VPS26C: variants seen among roughly 807,000 people sequenced by gnomAD.
VPS26C encodes VPS26 endosomal protein sorting factor C.
A neutral mutation model predicts 30.6 loss-of-function variants in VPS26C; 19 were observed. The observed-to-expected ratio is 0.62, with a 90% CI of 0.43 to 0.91. The LOEUF (loss-of-function observed/expected upper bound fraction) is 0.91, where lower values mean the gene tolerates loss of function less well. Ranked by LOEUF, VPS26C falls within the 40% of genes least tolerant of loss-of-function variation. The pLI, the probability that VPS26C is intolerant of heterozygous loss-of-function variation, is 0.00. For synonymous variants in VPS26C, 132 were observed against 151.5 expected, an observed-to-expected ratio of 0.87 and a Z score of 0.95; for missense variants, 318 against 385.1, an observed-to-expected ratio of 0.83 and a Z score of 1.46.
intron 2 of VPS26C, among the ~76,000 whole-genome samples, chr21:37,240,283 C>T (rs1045579772): frequency 9.2e-5 from 14 of 152,028 alleles, no homozygotes; most frequent in Admixed American, 2.6e-4. Context: ...CCACCACACC[C>T]GGCTAATTTT....
At position 37,256,513 on chromosome 21, in the gene VPS26C, C is replaced by T. The variant is rs1421600975; in HGVS notation, c.57+10725G>A. 7.2e-5 allele frequency among the ~76,000 whole-genome samples: 11 copies of T among 152,150 alleles called. No individual in the cohort carries two copies. The East Asian group carries it at 1.4e-3, about 19-fold the overall frequency. ...TTTTTTGGAAAATCTTTATGCTAAA[C>T]GATGTTCATTTTATTGACTTATTTA... On this transcript the variant is annotated intron_variant, in intron 1 of 7. Coordinates refer to ENST00000309117, the MANE Select transcript of VPS26C (RefSeq NM_006052.2).
chr21:37,225,356 G>C lies in VPS26C; in HGVS notation c.*188C>G, dbSNP rs970277702. The C allele has an allele frequency of 3.3e-6, 2 of 604,190 alleles. No homozygotes were observed. The highest frequency in any genetic ancestry group is 5.9e-6 in the Non-Finnish European group (2 of 336,608). The allele number at this position is 604,190 out of a possible 1,614,324, so 37.4% of individuals were successfully genotyped here. Reference sequence around the variant, plus strand: ...ATTTCAAAGAAAAGGTCTGATTAGAGGTGCCTGTTGGAAGCAGAAGCCTCA... The same window carrying C: ...ATTTCAAAGAAAAGGTCTGATTAGACGTGCCTGTTGGAAGCAGAAGCCTCA... On this transcript the variant is annotated 3_prime_UTR_variant, in exon 8 of 8. Transcript: ENST00000309117.
At chr21:37,244,872 G>A (rs1249862097) in intron 1 of VPS26C, among the ~76,000 whole-genome samples, 1 of 152,162 alleles carries the variant, frequency 6.6e-6, no homozygotes, top group Non-Finnish European at 1.5e-5. Context: ...GTACACCTGG[G>A]AACAGCTGAG....
intron 1 of VPS26C, among the ~76,000 whole-genome samples, chr21:37,241,055 C>T (rs1307835364): frequency 6.6e-6 from 1 of 152,204 alleles, no homozygotes; most frequent in African/African-American, 2.4e-5. Context: ...AAACTCTGTT[C>T]GTTAGGCTCT....
chr21:37,245,558 C>T (rs1437969220), intron 1 of VPS26C, among the ~76,000 whole-genome samples: 7 of 152,300 alleles, frequency 4.6e-5, no homozygotes, highest in South Asian at 2.1e-4. Context: ...TGACTGACTG[C>T]GCTCTGTGAC....
rs2086052312 is a variant in VPS26C at position 37,238,788 on chromosome 21, C to CT, written c.202-180dup. Among the ~76,000 whole-genome samples, 4 of 152,216 alleles carry CT rather than the reference C, an allele frequency of 2.6e-5. No individual in the cohort carries two copies. In the South Asian group the frequency reaches 8.3e-4, roughly 32 times the overall value. ...TGACTTGGCTCTGCTTTTTAAGACT[C>CT]TGGCACAATAATGATTCATTTACAA... On this transcript the variant is annotated intron_variant, in intron 2 of 7. Transcript: ENST00000309117.
At chr21:37,267,509 C>G, upstream of VPS26C, 2 of 584,350 alleles carry the variant, frequency 3.4e-6, no homozygotes, top group Non-Finnish European at 6.1e-6. Context: ...TAGTGCGGGC[C>G]GAAGCGCTGT....
At chr21:37,244,986 C>T (rs1469769070) in intron 1 of VPS26C, among the ~76,000 whole-genome samples, 1 of 152,228 alleles carries the variant, frequency 6.6e-6, no homozygotes, top group Non-Finnish European at 1.5e-5. Context: ...AAACGCCCTG[C>T]AGCTGGTTAC....
intron 1 of VPS26C, among the ~76,000 whole-genome samples, chr21:37,260,533 T>TA (rs541171501): frequency 2.8e-4 from 42 of 152,120 alleles, no homozygotes; most frequent in Non-Finnish European, 5.7e-4. Context: ...ATAAAATACT[T>TA]AAAAAAAGAA....
intron 5 of VPS26C, among the ~76,000 whole-genome samples, chr21:37,230,277 C>T (rs2148283521): frequency 6.6e-6 from 1 of 152,330 alleles, no homozygotes; most frequent in South Asian, 2.1e-4. Context: ...GGATAGCTTT[C>T]AACATTCAGC....
chr21:37,267,053 G>C (rs934650655), intron 1 of VPS26C, 185 bp downstream of exon 1: 1 of 654,260 alleles, frequency 1.5e-6, no homozygotes, highest in Non-Finnish European at 2.8e-6. Flanking sequence ...AGGGCAGCCA[G>C]CCTCGCGCGG....
intron 1 of VPS26C, among the ~76,000 whole-genome samples, chr21:37,247,949 T>C (rs1016904247): frequency 6.6e-5 from 10 of 152,086 alleles, no homozygotes; most frequent in Non-Finnish European, 1.0e-4. Flanking sequence ...GGCAGGAGGA[T>C]TGTTTGAGCC....
At chr21:37,235,875 A>ATT (rs1204522798) in intron 3 of VPS26C, among the ~76,000 whole-genome samples, 13 of 15,072 alleles carry the variant, frequency 8.6e-4, no homozygotes, top group African/African-American at 2.6e-3. Flanking sequence ...ATATATATAT[A>ATT]TATATTTTTT....
At chr21:37,235,276 G>T (rs535949011) in intron 3 of VPS26C, among the ~76,000 whole-genome samples, 1 of 152,298 alleles carries the variant, frequency 6.6e-6, no homozygotes, top group South Asian at 2.1e-4. Context: ...GGGATTACAG[G>T]TGTGAGCCAC....
intron 1 of VPS26C, among the ~76,000 whole-genome samples, chr21:37,252,313 T>C (rs984730890): frequency 2.6e-5 from 4 of 152,194 alleles, no homozygotes; most frequent in East Asian, 1.9e-4. Flanking sequence ...GAGATTTCAA[T>C]GTGTTAGGTA....
At chr21:37,245,311 A>G (rs917443117) in intron 1 of VPS26C, among the ~76,000 whole-genome samples, 1 of 152,122 alleles carries the variant, frequency 6.6e-6, no homozygotes. Context: ...GCAGCCTACA[A>G]AGGGGGACCC....
rs370633908 is a variant in VPS26C, at chr21:37,256,789, T to C, written c.57+10449A>G. Among the ~76,000 whole-genome samples the C allele has an allele frequency of 3.1e-4, 47 of 152,366 alleles. 3 individuals are homozygous for C. The highest frequency in any genetic ancestry group is 2.3e-3 in the East Asian group (12 of 5,190). On this transcript the variant is annotated intron_variant, in intron 1 of 7. Transcript: ENST00000309117. ...AAGTACTTTACAAAAATTACATCTTTACATATTTGCGTTTGTATGACATAC... is the reference window on the plus strand; with the variant it reads ...AAGTACTTTACAAAAATTACATCTTCACATATTTGCGTTTGTATGACATAC...
At chr21:37,239,988 C>T (rs1855367055) in intron 2 of VPS26C, among the ~76,000 whole-genome samples, 1 of 152,202 alleles carries the variant, frequency 6.6e-6, no homozygotes, top group African/African-American at 2.4e-5. Flanking sequence ...CTTTCAATAA[C>T]AGGATATACT....
chr21:37,240,662 C>G (rs1433282806), intron 1 of VPS26C, 23 bp from the exon 2 acceptor site: 1 of 1,607,558 alleles, frequency 6.2e-7, no homozygotes, highest in Admixed American at 1.7e-5. Context: ...AGACAGCCAC[C>G]AATCAAATTA....
Sources: allele counts gnomAD v4.1 joint callset (sites outside exome capture counted in the v4.1 genomes callset), GRCh38; gene constraint gnomAD v4.1.1; transcripts MANE v1.5; gene names NCBI Gene and HGNC (gene_info 2026-07-23, HGNC 2026-07-21).